Variants in ASTN1 observed in about 807,000 individuals in gnomAD.
The protein encoded by ASTN1 is astrotactin-1.
In ASTN1, 41 loss-of-function variants were observed where a neutral mutation model predicts 140.7. The ratio of observed to expected loss-of-function variants is 0.29; its 90% CI spans 0.23 to 0.38. The LOEUF (loss-of-function observed/expected upper bound fraction) is 0.38. ASTN1 is among the 10% of genes least tolerant of loss of function. The pLI, the probability that ASTN1 is intolerant of heterozygous loss-of-function variation, is 1.00. For missense variants in ASTN1, 1,479 were observed against 1,678.8 expected, an observed-to-expected ratio of 0.88 and a Z score of 2.08; for synonymous variants, 640 against 652.2, an observed-to-expected ratio of 0.98 and a Z score of 0.29.
chr1:176,916,972 C>T (rs1477698373), intron 16 of ASTN1, among the ~76,000 whole-genome samples: 2 of 152,092 alleles, frequency 1.3e-5, no homozygotes, highest in East Asian at 3.9e-4. Flanking sequence ...GTGGACAGCA[C>T]TTTCTCACAA....
chr1:176,969,510 G>A (rs1673041483), intron 8 of ASTN1, among the ~76,000 whole-genome samples: 1 of 152,208 alleles, frequency 6.6e-6, no homozygotes, highest in South Asian at 2.1e-4. Context: ...CTGGGCTGGA[G>A]CTAGAAAGGA....
intron 1 of ASTN1, among the ~76,000 whole-genome samples, chr1:177,161,311 T>C (rs543079452): frequency 1.3e-5 from 2 of 152,336 alleles, no homozygotes; most frequent in South Asian, 2.1e-4. Context: ...CACTATGCCA[T>C]ATGCATGCCA....
intron 8 of ASTN1, among the ~76,000 whole-genome samples, chr1:176,982,456 G>C (rs1042628880): frequency 3.9e-5 from 6 of 152,116 alleles, no homozygotes; most frequent in Non-Finnish European, 8.8e-5. Flanking sequence ...GAATTTCTGG[G>C]CCCCACCTCA....
intron 1 of ASTN1, among the ~76,000 whole-genome samples, chr1:177,092,769 C>T (rs1679820699): frequency 1.3e-5 from 2 of 152,106 alleles, no homozygotes; most frequent in Non-Finnish European, 2.9e-5. Flanking sequence ...TTATGATTTC[C>T]CTCATTGAAT....
At chr1:177,097,969 C>A (rs550805211) in intron 1 of ASTN1, among the ~76,000 whole-genome samples, 1 of 152,184 alleles carries the variant, frequency 6.6e-6, no homozygotes, top group African/African-American at 2.4e-5. Flanking sequence ...CCACCCCATA[C>A]CCTTCCATAT....
chr1:177,026,192 G>A (rs545365488), intron 5 of ASTN1, among the ~76,000 whole-genome samples: 77 of 152,224 alleles, frequency 5.1e-4, no homozygotes, highest in African/African-American at 1.7e-3. Context: ...GTAGTCTCTG[G>A]GTCCTCTGTC....
intron 2 of ASTN1, among the ~76,000 whole-genome samples, chr1:177,039,552 G>A (rs551989321): frequency 6.6e-6 from 1 of 152,290 alleles, no homozygotes; most frequent in Non-Finnish European, 1.5e-5. Flanking sequence ...AACTTCTCAA[G>A]GTCCCTTCTG....
At position 176,943,081 on chromosome 1, in the gene ASTN1, A is replaced by G. The variant is rs1278033690; in HGVS notation, c.2377+810T>C. ...AGACAGAATGAATAGGGAGAAGTGT[A>G]ACAGAGAAACGTACAAAGCAATCAG... On this transcript the variant is annotated intron_variant, in intron 14 of 22. Transcript: ENST00000361833. Among the ~76,000 whole-genome samples, 3 of 151,646 alleles carry G rather than the reference A, an allele frequency of 2.0e-5. No individual in the cohort carries two copies. The East Asian group carries it at 5.9e-4, about 30-fold the overall frequency.
chr1:177,060,197 C>T (rs1678016176), intron 2 of ASTN1, among the ~76,000 whole-genome samples: 1 of 152,178 alleles, frequency 6.6e-6, no homozygotes, highest in Non-Finnish European at 1.5e-5. Context: ...ATACAAGTTC[C>T]TACAATGTTA....
chr1:176,869,144 T>A (rs1668241550), intron 21 of ASTN1, 117 bp from the exon 22 acceptor site: 2 of 649,066 alleles, frequency 3.1e-6, no homozygotes, highest in Non-Finnish European at 4.6e-6. Flanking sequence ...CATATGTAGA[T>A]CATTTATAAT....
rs1200526784 is a variant in ASTN1 at position 176,863,699 on chromosome 1, G to A, written c.*585C>T. The A allele has an allele frequency of 1.0e-6, 1 of 985,794 alleles. No individual in the cohort carries two copies. The highest frequency in any genetic ancestry group is 1.7e-5 in the African/African-American group (1 of 57,240). 61.1% of individuals were successfully genotyped at this position (985,794 alleles called of 1,614,324 possible). A position where few individuals can be genotyped will look rare whatever the true frequency, so the allele number is the denominator to read the frequency against. On this transcript the variant is annotated 3_prime_UTR_variant, in exon 23 of 23. Transcript: ENST00000361833. ...AATGAAAGCTGGTTTCACCTTTCGG[G>A]TATGGAAATAGTGATAGCAAGGCCT...
At chr1:176,916,434 G>T (rs1395732503) in intron 16 of ASTN1, among the ~76,000 whole-genome samples, 1 of 152,132 alleles carries the variant, frequency 6.6e-6, no homozygotes, top group East Asian at 1.9e-4. Context: ...ATCCAAGTCA[G>T]CCAGTTTAAT....
intron 16 of ASTN1, among the ~76,000 whole-genome samples, chr1:176,904,543 A>G (rs552382196): frequency 1.3e-5 from 2 of 152,022 alleles, no homozygotes; most frequent in Non-Finnish European, 2.9e-5. Flanking sequence ...CTATTTCCAA[A>G]TCTCCATTAG....
At position 177,014,793 on chromosome 1, in the gene ASTN1, C is replaced by T. The variant is rs1386265097; in HGVS notation, c.1521G>A (p.Gln507=). ...TAAGTCGTCATGCCCTCACTTACCC[C>T]TGGTTTGTCCCCCATTCGTTCCGAA... The part of the protein sequence containing the change: ...LCIRNEWGTN[Q]GPWPYTIFQR... The change falls in exon 8 of 23, where the codon CAG becomes CAA. Residue 507 remains glutamine (Q), a splice_region_variant and synonymous_variant. Coordinates refer to ENST00000361833, the MANE Select transcript of ASTN1 (RefSeq NM_004319.3). 3 of 1,613,136 alleles carry T rather than the reference C, an allele frequency of 1.9e-6. No homozygotes were observed. Among genetic ancestry groups the T allele is most frequent in the Non-Finnish European group, 2.5e-6 (3 of 1,179,320 alleles).
At chr1:176,944,499 G>A (rs1671870898) in intron 13 of ASTN1, among the ~76,000 whole-genome samples, 3 of 152,270 alleles carry the variant, frequency 2.0e-5, no homozygotes, top group South Asian at 2.1e-4. Flanking sequence ...GAGCTCAAGC[G>A]AACCACCCAC....
intron 7 of ASTN1, among the ~76,000 whole-genome samples, chr1:177,017,343 A>G (rs1675600867): frequency 6.6e-6 from 1 of 152,168 alleles, no homozygotes; most frequent in African/African-American, 2.4e-5. Flanking sequence ...TTTGCCTCTC[A>G]CAGGATCCTT....
At chr1:177,120,734 CT>C (rs1681343094) in intron 1 of ASTN1, among the ~76,000 whole-genome samples, 1 of 152,138 alleles carries the variant, frequency 6.6e-6, no homozygotes, top group Admixed American at 6.5e-5. Context: ...TGGTATTCGC[CT>C]TGGCTATCCT....
intron 11 of ASTN1, among the ~76,000 whole-genome samples, chr1:176,954,486 C>T (rs1672318791): frequency 6.6e-6 from 1 of 152,060 alleles, no homozygotes; most frequent in Non-Finnish European, 1.5e-5. Flanking sequence ...TGATTTTAGC[C>T]CAGTGGGAAC....
intron 1 of ASTN1, among the ~76,000 whole-genome samples, chr1:177,062,503 C>A (rs896269234): frequency 1.6e-4 from 24 of 151,346 alleles, no homozygotes; most frequent in African/African-American, 5.8e-4. Context: ...CCCTGGCCTC[C>A]CAAAATGTTG....
Sources: gnomAD v4.1 joint callset for allele counts (sites outside exome capture counted in the v4.1 genomes callset) on GRCh38, gnomAD v4.1.1 for gene constraint, MANE v1.5 for transcripts, NCBI Gene and HGNC (gene_info 2026-07-23, HGNC 2026-07-21) for gene names.